PSPC1: variants seen among roughly 807,000 people sequenced by gnomAD.
PSPC1 encodes the protein paraspeckle component 1, also known as paraspeckle protein 1.
PSPC1 carries 14 observed loss-of-function variants against 51.6 expected under a neutral mutation model. That is an observed-to-expected ratio of 0.27 (90% CI 0.18 to 0.42). The LOEUF is 0.42. Ranked by LOEUF, PSPC1 falls within the 10% of genes least tolerant of loss-of-function variation. PSPC1 has a pLI of 1.00. For synonymous variants in PSPC1, 193 were observed against 231.9 expected (o/e 0.83, Z 1.53); for missense variants, 406 against 701.1 (o/e 0.58, Z 4.75).
At chr13:19,734,203 T>A (rs1366499926) in intron 5 of PSPC1, among the ~76,000 whole-genome samples, 1 of 152,184 alleles carries the variant, frequency 6.6e-6, no homozygotes, top group Non-Finnish European at 1.5e-5. Context: ...CCTCTTCAGG[T>A]CAAGGATTGC....
chr13:19,730,205 T>C lies in PSPC1; in HGVS notation c.1158+34A>G, dbSNP rs1462898113. On this transcript the variant is annotated intron_variant, in intron 6 of 8. Transcript: ENST00000338910. ...AATATGCATCATAAACCTGAAAATA[T>C]AAAATCATTTTAGTTAACTAGTAGT... 2.5e-6 allele frequency: 4 copies of C among 1,574,898 alleles called. No homozygotes were observed. In the East Asian group the frequency reaches 9.0e-5, roughly 35 times the overall value.
chr13:19,679,312 TG>T (rs1157544028), intron 6 of PSPC1, among the ~76,000 whole-genome samples: 8 of 151,786 alleles, frequency 5.3e-5, no homozygotes, highest in Non-Finnish European at 8.8e-5. Flanking sequence ...CTAGACAACA[TG>T]GCAAAGTCCC....
At chr13:19,701,735 A>G (rs1023053238), downstream of PSPC1, among the ~76,000 whole-genome samples, 1 of 152,192 alleles carries the variant, frequency 6.6e-6, no homozygotes, top group Non-Finnish European at 1.5e-5. Flanking sequence ...CTATTTACAT[A>G]GTGTTTATTT....
chr13:19,779,771 T>C (rs1276170888), intron 1 of PSPC1, among the ~76,000 whole-genome samples: 357 of 39,668 alleles, frequency 9.0e-3, no homozygotes, highest in Middle Eastern at 0.05. Context: ...CCGGCCCGTC[T>C]GGGAGGTGAG....
At chr13:19,671,450 A>G (rs891403466), downstream of PSPC1, among the ~76,000 whole-genome samples, 7 of 152,114 alleles carry the variant, frequency 4.6e-5, no homozygotes, top group Non-Finnish European at 7.4e-5. Flanking sequence ...TCAGTTTACA[A>G]TGTGTTAGAC....
intron 6 of PSPC1, among the ~76,000 whole-genome samples, chr13:19,694,119 T>C (rs1449802509): frequency 5.9e-5 from 1 of 16,988 alleles, no homozygotes; most frequent in African/African-American, 1.2e-4. Flanking sequence ...CGAGACTCCA[T>C]CTCAAAAAAA....
chr13:19,682,712 A>T lies in PSPC1; in HGVS notation c.1159-4889T>A, dbSNP rs191910341. On this transcript the variant is annotated intron_variant and NMD_transcript_variant, in intron 6 of 7. Coordinates refer to the PSPC1 transcript ENST00000471658. ...TCTTATACATTGTTCATGGGAAAAG[A>T]AAACAGGACAGGCACTTTAGAAAAT... 7.1e-4 allele frequency among the ~76,000 whole-genome samples: 108 copies of T among 152,276 alleles called. 1 individual carries two copies. Among genetic ancestry groups the T allele is most frequent in the East Asian group, 3.9e-4 (2 of 5,184 alleles).
intron 1 of PSPC1, among the ~76,000 whole-genome samples, chr13:19,774,801 T>A: frequency 7.7e-6 from 1 of 130,308 alleles, no homozygotes. Flanking sequence ...ACAGACTCTG[T>A]GTCCAAAAAA....
intron 6 of PSPC1, among the ~76,000 whole-genome samples, chr13:19,725,999 A>G (rs1883322045): frequency 6.6e-6 from 1 of 152,130 alleles, no homozygotes; most frequent in Non-Finnish European, 1.5e-5. Context: ...AAGAAAGAAA[A>G]AAATGAAGAA....
At chr13:19,747,136 C>G (rs866283499) in intron 4 of PSPC1, among the ~76,000 whole-genome samples, 8 of 152,004 alleles carry the variant, frequency 5.3e-5, no homozygotes, top group Non-Finnish European at 1.0e-4. Flanking sequence ...TCAACATTTA[C>G]AAAAATTTTC....
At chr13:19,754,665 C>T (rs1445383428) in intron 3 of PSPC1, among the ~76,000 whole-genome samples, 1 of 151,934 alleles carries the variant, frequency 6.6e-6, no homozygotes, top group African/African-American at 2.4e-5. Context: ...GTCTCGAACT[C>T]CTGACCTCAG....
At position 19,740,207 on chromosome 13, in the gene PSPC1, G is replaced by A. The variant is rs141615210; in HGVS notation, c.1052+1358C>T. Among the ~76,000 whole-genome samples the A allele has an allele frequency of 6.7e-3, 1,026 of 152,204 alleles. 16 individuals are homozygous for A. Among genetic ancestry groups the A allele is most frequent in the African/African-American group, 0.024 (983 of 41,526 alleles). On this transcript the variant is annotated intron_variant, in intron 5 of 8. Transcript: ENST00000338910. ...AAAAGTACAAAATTAGCCGAGCATG[G>A]TGGCACATGCCTGTAATCCCAGCTA...
chr13:19,698,533 G>C (rs114342170), downstream of PSPC1, among the ~76,000 whole-genome samples: 748 of 151,790 alleles, frequency 4.9e-3, 8 homozygotes, highest in African/African-American at 0.018. Flanking sequence ...ATTTCCACTT[G>C]AACCTACTTA....
At chr13:19,719,870 G>A (rs1391178221) in intron 6 of PSPC1, among the ~76,000 whole-genome samples, 3 of 151,900 alleles carry the variant, frequency 2.0e-5, no homozygotes, top group Admixed American at 2.0e-4. Flanking sequence ...TTTAAGAGAC[G>A]GGCCTCTCAC....
chr13:19,676,525 T>A (rs1326864552), intron 7 of PSPC1, among the ~76,000 whole-genome samples: 1 of 152,190 alleles, frequency 6.6e-6, no homozygotes, highest in African/African-American at 2.4e-5. Flanking sequence ...TCAGTGCATC[T>A]CAAACCAAGT....
Position 19,684,317 on chromosome 13 carries a change from C to A in PSPC1, c.1159-6494G>T, listed in dbSNP as rs1943108154. On this transcript the variant is annotated intron_variant and NMD_transcript_variant, in intron 6 of 7. Coordinates refer to the PSPC1 transcript ENST00000471658. ...TTTAAACCATGATGGACTACGGTAA[C>A]AATAAATTGCATTTTTTAGTTCAAG... 3.3e-5 allele frequency among the ~76,000 whole-genome samples: 5 copies of A among 152,174 alleles called. No individual in the cohort carries two copies. In the South Asian group the frequency reaches 1.0e-3, roughly 32 times the overall value.
At chr13:19,708,901 G>A (rs1347899980) in intron 7 of PSPC1, among the ~76,000 whole-genome samples, 4 of 152,146 alleles carry the variant, frequency 2.6e-5, no homozygotes, top group Non-Finnish European at 5.9e-5. Context: ...GGTGGCTCAT[G>A]CCTGGAATAT....
chr13:19,720,703 A>G (rs1882662177), intron 6 of PSPC1, among the ~76,000 whole-genome samples: 1 of 152,196 alleles, frequency 6.6e-6, no homozygotes, highest in Non-Finnish European at 1.5e-5. Context: ...TATATAGAAA[A>G]AACAAGAATA....
intron 4 of PSPC1, among the ~76,000 whole-genome samples, chr13:19,747,823 TG>T (rs2138095309): frequency 6.6e-6 from 1 of 152,318 alleles, no homozygotes; most frequent in Non-Finnish European, 1.5e-5. Flanking sequence ...TCTCCTTCCA[TG>T]ATATGTCATG....
Sources: allele counts gnomAD v4.1 joint callset (sites outside exome capture counted in the v4.1 genomes callset), GRCh38; gene constraint gnomAD v4.1.1; transcripts MANE v1.5; gene names NCBI Gene and HGNC (gene_info 2026-07-23, HGNC 2026-07-21).